HMG20B: variants seen among roughly 807,000 people sequenced by gnomAD.
HMG20B encodes the protein high mobility group 20B, also known as SWI/SNF-related matrix-associated actin-dependent regulator of chromatin subfamily E member 1-related.
HMG20B carries 24 observed loss-of-function variants against 41.6 expected under a neutral mutation model. The ratio of observed to expected loss-of-function variants is 0.58; its 90% CI spans 0.42 to 0.81. The LOEUF (loss-of-function observed/expected upper bound fraction) is 0.81. HMG20B is among the 30% of genes least tolerant of loss of function. The pLI is 0.00. For missense variants in HMG20B, 461 were observed against 444.0 expected, an observed-to-expected ratio of 1.04 and a Z score of -0.34; for synonymous variants, 251 against 186.6, an observed-to-expected ratio of 1.34 and a Z score of -2.81.
At chr19:3,577,176 C>T in intron 8 of HMG20B, 69 bp downstream of exon 8, 1 of 1,093,620 alleles carries the variant, frequency 9.1e-7, no homozygotes, top group Non-Finnish European at 1.2e-6. Flanking sequence ...CCCCCCTCCT[C>T]CCTTCCCCCC....
In HMG20B at chr19:3,575,536, C is replaced by T. The variant is rs372405602; in HGVS notation, c.352-4C>T. 1.2e-5 allele frequency: 18 copies of T among 1,563,270 alleles called. No homozygotes were observed. In the African/African-American group the frequency reaches 2.3e-4, roughly 20 times the overall value. ...GCTTCAAGCCTTCTGGTGCTGCCCC[C>T]CAGCGGTACCTGGATGAGGCCGAGA... On this transcript the variant is annotated splice_polypyrimidine_tract_variant and splice_region_variant and intron_variant, in intron 4 of 9. Coordinates refer to ENST00000333651, the MANE Select transcript of HMG20B (RefSeq NM_006339.3).
chr19:3,575,483 C>G, intron 4 of HMG20B, 57 bp from the exon 5 acceptor site: 1 of 1,551,608 alleles, frequency 6.4e-7, no homozygotes, highest in Non-Finnish European at 8.7e-7. Flanking sequence ...GTGATAAAGA[C>G]TGGATCCTGG....
At chr19:3,574,857 T>TA (rs2032125230) in intron 4 of HMG20B, among the ~76,000 whole-genome samples, 2 of 152,154 alleles carry the variant, frequency 1.3e-5, no homozygotes, top group Admixed American at 1.3e-4. Flanking sequence ...TAGCTGGGAT[T>TA]ACAGGCGCGT....
Position 3,576,444 on chromosome 19 carries a change from T to A in HMG20B, c.520-109T>A. The A allele has an allele frequency of 3.0e-6, 4 of 1,335,324 alleles. No homozygotes were observed. In the East Asian group the frequency reaches 7.0e-5, roughly 23 times the overall value. 82.7% of individuals were successfully genotyped at this position (1,335,324 alleles called of 1,614,324 possible). On this transcript the variant is annotated intron_variant, in intron 6 of 9. Coordinates refer to ENST00000333651, the MANE Select transcript of HMG20B (RefSeq NM_006339.3). Reference sequence around the variant, plus strand: ...ACTGCACCGTGGGATCGCTGTTGATTGTACTCCCACCGGGGTGTCCCAGGA... The same window carrying A: ...ACTGCACCGTGGGATCGCTGTTGATAGTACTCCCACCGGGGTGTCCCAGGA...
chr19:3,577,679 C>T (rs1276543772), intron 8 of HMG20B, among the ~76,000 whole-genome samples: 18 of 143,640 alleles, frequency 1.3e-4, no homozygotes, highest in African/African-American at 4.7e-4. Flanking sequence ...AGTCACGTCC[C>T]ACGCGACCCC....
intron 8 of HMG20B, 136 bp from the exon 9 acceptor site, chr19:3,577,845 C>T: frequency 1.3e-6 from 1 of 771,236 alleles, no homozygotes; most frequent in Non-Finnish European, 2.0e-6. Context: ...CCACCCTGCG[C>T]CGCTCCTGCG....
rs760015112 is a variant in HMG20B at position 3,578,117 on chromosome 19, T to A, written c.941+4T>A. 4 of 1,609,924 alleles carry A rather than the reference T, an allele frequency of 2.5e-6. No individual in the cohort carries two copies. The highest frequency in any genetic ancestry group is 3.4e-6 in the Non-Finnish European group (4 of 1,178,748). On this transcript the variant is annotated splice_donor_region_variant and intron_variant, in intron 9 of 9. Transcript: ENST00000333651. ...AAATCCTGGCCCAGGTCGCCAGGTG[T>A]GTGCCGGGCGAGGCGGGGCGGGGCC...
chr19:3,573,508 C>T, intron 2 of HMG20B, 161 bp downstream of exon 2: 1 of 904,368 alleles, frequency 1.1e-6, no homozygotes, highest in Non-Finnish European at 1.6e-6. Flanking sequence ...CCTCGGCCTC[C>T]AGTCCCTCCC....
At chr19:3,575,185 C>G (rs2032131252) in intron 4 of HMG20B, among the ~76,000 whole-genome samples, 1 of 152,168 alleles carries the variant, frequency 6.6e-6, no homozygotes, top group African/African-American at 2.4e-5. Context: ...GGAAATGTAA[C>G]AAAAGCCATC....
chr19:3,576,412 C>A (rs1034434495), intron 6 of HMG20B, 105 bp downstream of exon 6: 1 of 1,369,372 alleles, frequency 7.3e-7, no homozygotes, highest in Non-Finnish European at 1.0e-6. Context: ...CAAGCAGGGG[C>A]GGTGCCACTG....
intron 3 of HMG20B, 122 bp from the exon 4 acceptor site, chr19:3,574,261 C>A: frequency 1.1e-6 from 1 of 918,896 alleles, no homozygotes; most frequent in Non-Finnish European, 1.7e-6. Flanking sequence ...TTTCCGGGTT[C>A]TTCCTCCCAG....
rs1483444210 is a variant in HMG20B at position 3,578,156 on chromosome 19, C to G, written c.941+43C>G. ...CGGGGCGGGGCCGGGGTTCAAGGCC[C>G]GGATGTGCCCGCCCTGGGGTTCCCC... On this transcript the variant is annotated intron_variant, in intron 9 of 9. Transcript: ENST00000333651. 3 of 1,593,138 alleles carry G rather than the reference C, an allele frequency of 1.9e-6. No homozygotes were observed. The East Asian group carries it at 6.8e-5, about 36-fold the overall frequency.
At chr19:3,573,104 G>A (rs1422156860) in intron 1 of HMG20B, 110 bp downstream of exon 1, 1 of 513,850 alleles carries the variant, frequency 1.9e-6, no homozygotes, top group African/African-American at 2.0e-5. Flanking sequence ...AGGCCTCCCG[G>A]GGGGGGCAAT....
In HMG20B at chr19:3,574,597, C is replaced by T. The variant is rs368035857; in HGVS notation, c.351+11C>T. ...CCAACGGAAAAGCAGGTGGGCGGGG[C>T]GGGGCGCCGAGCAGGGCTGGCGGGG... On this transcript the variant is annotated intron_variant, in intron 4 of 9. Coordinates refer to ENST00000333651, the MANE Select transcript of HMG20B (RefSeq NM_006339.3). 72 of 1,580,022 alleles carry T rather than the reference C, an allele frequency of 4.6e-5. No individual in the cohort carries two copies. In the African/African-American group the frequency reaches 7.4e-4, roughly 16 times the overall value.
At chr19:3,576,150 C>CGGGGCACTCAAGTGGGGA in intron 5 of HMG20B, 111 bp from the exon 6 acceptor site, 1 of 898,106 alleles carries the variant, frequency 1.1e-6, no homozygotes, top group Non-Finnish European at 1.8e-6. Context: ...TGCCCAGACG[C>CGGGGCACTCAAGTGGGGA]GGGGCACTCA....
chr19:3,578,739 A>T lies in HMG20B; in HGVS notation c.*218A>T. On this transcript the variant is annotated 3_prime_UTR_variant, in exon 10 of 10. Coordinates refer to ENST00000333651, the MANE Select transcript of HMG20B (RefSeq NM_006339.3). The stretch of plus-strand genomic sequence containing the variant: ...GGAAAAAGCACTCGCTGCGCGATAC[A>T]CCCAGAAGAACCTCACAGCCGAGGG... 1.3e-6 allele frequency: 1 copy of T among 765,888 alleles called. No homozygotes were observed. The highest frequency in any genetic ancestry group is 2.3e-6 in the Non-Finnish European group (1 of 430,438). 47.4% of individuals were successfully genotyped at this position (765,888 alleles called of 1,614,324 possible).
intron 5 of HMG20B, 76 bp from the exon 6 acceptor site, chr19:3,576,185 C>G: frequency 7.5e-7 from 1 of 1,339,512 alleles, no homozygotes; most frequent in Non-Finnish European, 1.1e-6. Flanking sequence ...GCCGGCTGAG[C>G]AGCGCTGACC....
chr19:3,578,501 C>A lies in HMG20B; in HGVS notation c.942-8C>A. 6.5e-7 allele frequency: 1 copy of A among 1,544,466 alleles called. No individual in the cohort carries two copies. The highest frequency in any genetic ancestry group is 8.7e-7 in the Non-Finnish European group (1 of 1,145,346). On this transcript the variant is annotated splice_region_variant and splice_polypyrimidine_tract_variant and intron_variant, in intron 9 of 9. Coordinates refer to ENST00000333651, the MANE Select transcript of HMG20B (RefSeq NM_006339.3). ...GGCCTCATCCCGGGCCCTCCTCTCT[C>A]GTTTCAGCGAGCACCTGTGAGGAGT...
In HMG20B at chr19:3,576,324, CT is replaced by C. The variant is rs1344029828; in HGVS notation, c.519+18del. Reference sequence around the variant, plus strand: ...GGACACAAGGTAAGCGACCTTCTTCCTCTCAAAGCACCTGGGGGAGAAAGGT... The same window carrying C: ...GGACACAAGGTAAGCGACCTTCTTCCCTCAAAGCACCTGGGGGAGAAAGGT... On this transcript the variant is annotated intron_variant, in intron 6 of 9. Transcript: ENST00000333651. The C allele has an allele frequency of 2.3e-5, 36 of 1,538,890 alleles. No individual in the cohort carries two copies. The highest frequency in any genetic ancestry group is 3.2e-5 in the Non-Finnish European group (36 of 1,112,370).
Sources: gnomAD v4.1 joint callset for allele counts (sites outside exome capture counted in the v4.1 genomes callset) on GRCh38, gnomAD v4.1.1 for gene constraint, MANE v1.5 for transcripts, NCBI Gene and HGNC (gene_info 2026-07-23, HGNC 2026-07-21) for gene names.